Variants in ONECUT1 observed in about 807,000 individuals in gnomAD.
ONECUT1 encodes one cut homeobox 1.
A neutral mutation model predicts 25.6 loss-of-function variants in ONECUT1; 12 were observed. The observed-to-expected ratio is 0.47, with a 90% confidence interval of 0.30 to 0.76. The LOEUF is 0.76. Among genes scored for constraint, ONECUT1 ranks in the 30% least tolerant of loss-of-function variants. The pLI, the probability that ONECUT1 is intolerant of heterozygous loss-of-function variation, is 0.07. For missense variants in ONECUT1, 620 were observed against 651.2 expected, an observed-to-expected ratio of 0.95 and a Z score of 0.52; for synonymous variants, 285 against 270.2, an observed-to-expected ratio of 1.05 and a Z score of -0.54.
Position 52,788,859 on chromosome 15 carries a change from G to A in ONECUT1, c.1026C>T (p.Ser342=), listed in dbSNP as rs149050008. ...ACATCCTCCGGAAGGTCTCCCGGCC[G>A]GATTTGAGTTTGCTCCAGGGTTTGG... ...RNPKPWSKLK[S]GRETFRRMWK... is the part of the protein sequence containing the mutation. The change falls in exon 1 of 2, where the codon TCC becomes TCT. Residue 342 remains serine (S), a synonymous_variant. Coordinates refer to ENST00000305901, the MANE Select transcript of ONECUT1 (RefSeq NM_004498.4). The surrounding 1 kb of genome is among the most constrained non-coding windows in gnomAD (Gnocchi z 4.3). 1.9e-4 allele frequency: 313 copies of A among 1,614,132 alleles called. No homozygotes were observed. In the African/African-American group the frequency reaches 3.8e-3, roughly 20 times the overall value.
rs1281670722 is a variant in ONECUT1 at position 52,789,489 on chromosome 15, G to C, written c.396C>G (p.His132Gln). The C allele has an allele frequency of 6.2e-7, 1 of 1,612,548 alleles. No individual in the cohort carries two copies. The highest frequency in any genetic ancestry group is 2.2e-5 in the East Asian group (1 of 44,884). ...FPHHHHHHHH[H>Q]HHPHHHQRLA... ...GGCGCTGGTGGTGGTGCGGGTGGTG[G>C]TGGTGATGGTGGTGGTGGTGATGGT... Residue 132 changes from histidine to glutamine, a missense_variant, in exon 1 of 2, where the codon CAC becomes CAG. Around this residue, in one of 4 missense-constraint regions of ONECUT1, gnomAD observed 440 missense variants for 404.9 expected, o/e 1.09. Coordinates refer to ENST00000305901, the MANE Select transcript of ONECUT1 (RefSeq NM_004498.4). This position sits in a 1 kb window ranked among gnomAD's most constrained non-coding sequence, Gnocchi z 4.1.
Position 52,788,759 on chromosome 15 carries a change from C to T in ONECUT1, c.1105+21G>A. On this transcript the variant is annotated intron_variant, in intron 1 of 1. Coordinates refer to ENST00000305901, the MANE Select transcript of ONECUT1 (RefSeq NM_004498.4). The surrounding 1 kb of genome is among the most constrained non-coding windows in gnomAD (Gnocchi z 4.3). ...TTCGTGTACCTTATCTCCCGCGCGC[C>T]CAGCTCCTTGGCCGGCTCACCTGCT... The T allele has an allele frequency of 6.3e-7, 1 of 1,594,064 alleles. No individual in the cohort carries two copies. The highest frequency in any genetic ancestry group is 8.5e-7 in the Non-Finnish European group (1 of 1,169,788).
intron 1 of ONECUT1, among the ~76,000 whole-genome samples, chr15:52,758,114 C>G (rs1254047792): frequency 6.6e-6 from 1 of 152,184 alleles, no homozygotes; most frequent in African/African-American, 2.4e-5. Flanking sequence ...TTAACTCCAT[C>G]TGGGCTTCAG....
At chr15:52,767,064 G>T (rs2083738854) in intron 1 of ONECUT1, among the ~76,000 whole-genome samples, 1 of 152,150 alleles carries the variant, frequency 6.6e-6, no homozygotes. Context: ...GGGCGTGAGG[G>T]AGACACTGTT....
intron 1 of ONECUT1, among the ~76,000 whole-genome samples, chr15:52,765,421 G>A (rs1256621620): frequency 1.3e-5 from 2 of 152,164 alleles, no homozygotes; most frequent in Non-Finnish European, 2.9e-5. Context: ...ACCCTTTTCT[G>A]GTCTGTGGCA....
chr15:52,787,906 C>G (rs2083887559), intron 1 of ONECUT1: 1 of 152,286 alleles, frequency 6.6e-6, no homozygotes, highest in South Asian at 2.1e-4. Flanking sequence ...TCAGAAACAC[C>G]TGGGGCTTGG....
chr15:52,785,449 G>A (rs939829297), intron 1 of ONECUT1, among the ~76,000 whole-genome samples: 2 of 152,166 alleles, frequency 1.3e-5, no homozygotes, highest in Non-Finnish European at 2.9e-5. Context: ...AGGTTTCCTC[G>A]CCTCCAAGTC....
intron 1 of ONECUT1, chr15:52,780,945 T>G: frequency 1.7e-6 from 2 of 1,186,574 alleles, no homozygotes; most frequent in Non-Finnish European, 1.1e-6. Context: ...ATGCAGTGTT[T>G]GACAGAAATT....
chr15:52,782,834 T>C (rs2083850028), intron 1 of ONECUT1, among the ~76,000 whole-genome samples: 1 of 152,158 alleles, frequency 6.6e-6, no homozygotes, highest in African/African-American at 2.4e-5. Context: ...GTTTAAATAT[T>C]CCAATAAATG....
rs568358506 is a variant in ONECUT1, at chr15:52,774,056, AT to A, written c.1105+14723del. Among the ~76,000 whole-genome samples, 171 of 150,374 alleles carry A rather than the reference AT, an allele frequency of 1.1e-3. 1 individual carries two copies. The highest frequency in any genetic ancestry group is 3.9e-3 in the African/African-American group (160 of 40,954). The stretch of plus-strand genomic sequence containing the variant: ...ACTCCACCATAAATTTAATAATGGG[AT>A]TTTTTAGTTTGAAAAGTTACAAAGT... On this transcript the variant is annotated intron_variant, in intron 1 of 1. Coordinates refer to ENST00000305901, the MANE Select transcript of ONECUT1 (RefSeq NM_004498.4).
rs1350853549 is a variant in ONECUT1 at position 52,772,864 on chromosome 15, AT to A, written c.1106-15018del. Among the ~76,000 whole-genome samples the A allele has an allele frequency of 1.1e-4, 16 of 152,154 alleles. No homozygotes were observed. The East Asian group carries it at 1.7e-3, about 16-fold the overall frequency. Reference sequence around the variant, plus strand: ...ACATTTAGAGGATGTTTAAAGTGTTATTTTATATAATAAGACGTGGCATGAG... The same window carrying A: ...ACATTTAGAGGATGTTTAAAGTGTTATTTATATAATAAGACGTGGCATGAG... On this transcript the variant is annotated intron_variant, in intron 1 of 1. Coordinates refer to ENST00000305901, the MANE Select transcript of ONECUT1 (RefSeq NM_004498.4).
rs538087725 is a variant in ONECUT1 at position 52,778,437 on chromosome 15, T to C, written c.1105+10343A>G. ...AGCATTTATGAATTTACCTATAATA[T>C]ATGCCAAAGGGTAGAATTGCTAGAT... On this transcript the variant is annotated intron_variant, in intron 1 of 1. Transcript: ENST00000305901. Among the ~76,000 whole-genome samples the C allele has an allele frequency of 5.3e-5, 8 of 152,348 alleles. No homozygotes were observed. In the South Asian group the frequency reaches 1.4e-3, roughly 28 times the overall value.
chr15:52,777,737 C>CACACAAAAAA (rs57187579), intron 1 of ONECUT1, among the ~76,000 whole-genome samples: 71 of 103,444 alleles, frequency 6.9e-4, no homozygotes, highest in East Asian at 3.7e-3. Flanking sequence ...CACACACACA[C>CACACAAAAAA]AAAAAAACAT....
Position 52,780,345 on chromosome 15 carries a change from C to G in ONECUT1, c.1105+8435G>C, listed in dbSNP as rs570510833. ...GCAGTCATTTTAATCAGCACTTCCC[C>G]CTTTTAATGAGCTGGTAGTGCCATT... On this transcript the variant is annotated intron_variant, in intron 1 of 1. Coordinates refer to ENST00000305901, the MANE Select transcript of ONECUT1 (RefSeq NM_004498.4). 7.2e-4 allele frequency among the ~76,000 whole-genome samples: 109 copies of G among 152,246 alleles called. 1 individual carries two copies. The Middle Eastern group carries it at 0.024, about 33-fold the overall frequency.
intron 1 of ONECUT1, among the ~76,000 whole-genome samples, chr15:52,765,641 A>G (rs1015398665): frequency 5.9e-5 from 9 of 152,212 alleles, no homozygotes; most frequent in African/African-American, 2.2e-4. Context: ...ACTGTTCCTG[A>G]GCCTGTATTC....
intron 1 of ONECUT1, among the ~76,000 whole-genome samples, chr15:52,768,821 A>G (rs1420361966): frequency 1.3e-5 from 2 of 152,160 alleles, no homozygotes; most frequent in East Asian, 1.9e-4. Flanking sequence ...TGTAAATGCT[A>G]TTCTTCCAAT....
intron 1 of ONECUT1, among the ~76,000 whole-genome samples, chr15:52,758,674 G>A (rs934239167): frequency 1.3e-5 from 2 of 152,050 alleles, no homozygotes; most frequent in African/African-American, 2.4e-5. Context: ...CATTCCCTGC[G>A]CTTGCATGTC....
At position 52,790,066 on chromosome 15, in the gene ONECUT1, C is replaced by CGT. The variant is rs72061188; in HGVS notation, c.-184_-183dup. ...GTGTGTGTGTCCGTGTGTGCGTGTGCGTGTGTGTGTGTGTGTGTGTCTCGC... is the reference window on the plus strand; with the variant it reads ...GTGTGTGTGTCCGTGTGTGCGTGTGCGTGTGTGTGTGTGTGTGTGTGTCTCGC... On this transcript the variant is annotated 5_prime_UTR_variant, in exon 1 of 2. Coordinates refer to ENST00000305901, the MANE Select transcript of ONECUT1 (RefSeq NM_004498.4). 878 of 696,480 alleles carry CGT rather than the reference C, an allele frequency of 1.3e-3. No homozygotes were observed. Among genetic ancestry groups the CGT allele is most frequent in the Middle Eastern group, 4.5e-3 (10 of 2,228 alleles). The allele number at this position is 696,480 out of a possible 1,614,324, so 43.1% of individuals were successfully genotyped here. A position where few individuals can be genotyped will look rare whatever the true frequency, so the allele number is the denominator to read the frequency against.
At chr15:52,785,938 CAG>C (rs2083871962) in intron 1 of ONECUT1, 1 of 152,252 alleles carries the variant, frequency 6.6e-6, no homozygotes, top group Admixed American at 6.5e-5. Context: ...AACTGGAGGA[CAG>C]AGGGGCGTGG....
Sources: allele counts gnomAD v4.1 joint callset (sites outside exome capture counted in the v4.1 genomes callset), GRCh38; gene constraint gnomAD v4.1.1; regional missense constraint gnomAD v4.1.1; non-coding constraint Gnocchi (gnomAD v3.1); transcripts MANE v1.5; gene names NCBI Gene and HGNC (gene_info 2026-07-23, HGNC 2026-07-21).